The following CRX variants were observed in gnomAD, a reference collection of about 807,000 sequenced individuals.
CRX encodes the protein cone-rod homeobox, also known as cone-rod homeobox protein.
CRX carries 5 observed loss-of-function variants against 13.1 expected under a neutral mutation model. The ratio of observed to expected loss-of-function variants is 0.38; its 90% CI spans 0.20 to 0.80. The LOEUF (loss-of-function observed/expected upper bound fraction) is 0.80, where lower values mean the gene tolerates loss of function less well. CRX is among the 30% of genes least tolerant of loss of function. The pLI is 0.43. For missense variants in CRX, 351 were observed against 391.8 expected, an observed-to-expected ratio of 0.90 and a Z score of 0.88; for synonymous variants, 179 against 171.1, an observed-to-expected ratio of 1.05 and a Z score of -0.36.
chr19:47,829,427 G>A (rs1006741267), intron 1 of CRX, among the ~76,000 whole-genome samples: 2 of 152,156 alleles, frequency 1.3e-5, no homozygotes, highest in African/African-American at 4.8e-5. Flanking sequence ...TGCCTCCCGG[G>A]TTCAAGTGAT....
intron 1 of CRX, among the ~76,000 whole-genome samples, chr19:47,822,506 T>C (rs995505930): frequency 2.0e-5 from 3 of 152,140 alleles, no homozygotes; most frequent in African/African-American, 7.2e-5. Flanking sequence ...ATGTGTTGCA[T>C]AGATGGATGG....
chr19:47,836,184 A>T, intron 2 of CRX, 59 bp from the exon 3 acceptor site: 1 of 1,606,876 alleles, frequency 6.2e-7, no homozygotes, highest in Non-Finnish European at 8.5e-7. Context: ...ACCCAGCCTC[A>T]GGGCCTCACA....
chr19:47,837,025 G>T (rs1045922387), intron 3 of CRX, among the ~76,000 whole-genome samples: 1 of 152,116 alleles, frequency 6.6e-6, no homozygotes, highest in African/African-American at 2.4e-5. Flanking sequence ...TGTGTATGAT[G>T]GGATGGATAC....
In CRX at chr19:47,843,117, G is replaced by A. The variant is rs1381798597; in HGVS notation, c.*3150G>A. 1 of 152,218 alleles carries A rather than the reference G, an allele frequency of 6.6e-6. No homozygotes were observed. Among genetic ancestry groups the A allele is most frequent in the Non-Finnish European group, 1.5e-5 (1 of 68,130 alleles). 9.4% of individuals were successfully genotyped at this position (152,218 alleles called of 1,614,324 possible). A position where few individuals can be genotyped will look rare whatever the true frequency, so the allele number is the denominator to read the frequency against. ...TCCTGGGCTGGGCTCCTGAGTGTTGGTTCTTCCAGCTGTGCACAGGGGATT... is the reference window on the plus strand; with the variant it reads ...TCCTGGGCTGGGCTCCTGAGTGTTGATTCTTCCAGCTGTGCACAGGGGATT... On this transcript the variant is annotated 3_prime_UTR_variant, in exon 4 of 4. Coordinates refer to ENST00000221996, the MANE Select transcript of CRX (RefSeq NM_000554.6).
At position 47,836,402 on chromosome 19, in the gene CRX, G is replaced by C. The variant is rs773348946; in HGVS notation, c.252+8G>C. 6.2e-6 allele frequency: 10 copies of C among 1,614,068 alleles called. No individual in the cohort carries two copies. The Admixed American group carries it at 6.7e-5, about 11-fold the overall frequency. ...CCTGAGTCCAGGGTTCAGGTGGGGTGGTGGGTCCCTGGACCCCTCCCGACA... is the reference window on the plus strand; with the variant it reads ...CCTGAGTCCAGGGTTCAGGTGGGGTCGTGGGTCCCTGGACCCCTCCCGACA... On this transcript the variant is annotated splice_region_variant and intron_variant, in intron 3 of 3. Transcript: ENST00000221996.
intron 2 of CRX, 130 bp downstream of exon 2, chr19:47,834,673 T>C: frequency 1.4e-6 from 1 of 697,022 alleles, no homozygotes; most frequent in Admixed American, 2.4e-5. Context: ...CCCTCTGGGT[T>C]CATCTGAAAT....
chr19:47,823,139 C>T (rs547735316), intron 1 of CRX, among the ~76,000 whole-genome samples: 1 of 152,222 alleles, frequency 6.6e-6, no homozygotes, highest in East Asian at 1.9e-4. Flanking sequence ...TTCCCGTCTG[C>T]CCCTGTCAGG....
In CRX at chr19:47,839,399, A is replaced by T; in HGVS notation, c.332A>T (p.Gln111Leu). ...QKQQQQPPGG[Q>L]AKARPAKRKA... ...CAGCAGCAGCAGCCCCCAGGGGGCC[A>T]GGCCAAGGCCCGGCCTGCCAAGAGG... The change falls in exon 4 of 4, where the codon CAG (glutamine) becomes CTG (leucine). Residue 111 changes from glutamine to leucine, a missense_variant. Physicochemically the swap from Gln to Leu is moderately radical, Grantham distance 113. Around this residue, in one of 3 missense-constraint regions of CRX, gnomAD observed 253 missense variants for 268.3 expected, o/e 0.94. Transcript: ENST00000221996. This position sits in a 1 kb window ranked among gnomAD's most constrained non-coding sequence, Gnocchi z 4.6. 2 of 1,613,732 alleles carry T rather than the reference A, an allele frequency of 1.2e-6. No individual in the cohort carries two copies. Among genetic ancestry groups the T allele is most frequent in the South Asian group, 2.2e-5 (2 of 91,080 alleles).
chr19:47,828,970 C>A (rs1463148512), intron 1 of CRX, among the ~76,000 whole-genome samples: 1 of 149,528 alleles, frequency 6.7e-6, no homozygotes, highest in Admixed American at 6.7e-5. Flanking sequence ...ACTATAGAGA[C>A]AAGATATGGC....
intron 1 of CRX, among the ~76,000 whole-genome samples, chr19:47,831,751 A>G (rs898625865): frequency 4.6e-5 from 7 of 151,546 alleles, no homozygotes; most frequent in Non-Finnish European, 1.5e-5. Context: ...TTTAATTTTT[A>G]TTTTTTTTGA....
rs1423074041 is a variant in CRX, at chr19:47,842,280, G to A, written c.*2313G>A. The A allele has an allele frequency of 6.6e-6, 1 of 152,292 alleles. No individual in the cohort carries two copies. Among genetic ancestry groups the A allele is most frequent in the African/African-American group, 2.4e-5 (1 of 41,442 alleles). The allele number at this position is 152,292 out of a possible 1,614,324, so 9.4% of individuals were successfully genotyped here. On this transcript the variant is annotated 3_prime_UTR_variant, in exon 4 of 4. Transcript: ENST00000221996. ...TAGGCCTGAGTCATGCTGGGTTCTGGGACATTAAGCCCAGGAGTGGGCCGG... is the reference window on the plus strand; with the variant it reads ...TAGGCCTGAGTCATGCTGGGTTCTGAGACATTAAGCCCAGGAGTGGGCCGG...
rs886054560 is a variant in CRX at position 47,842,752 on chromosome 19, C to T, written c.*2785C>T. On this transcript the variant is annotated 3_prime_UTR_variant, in exon 4 of 4. Coordinates refer to ENST00000221996, the MANE Select transcript of CRX (RefSeq NM_000554.6). ...ATATTGTGCCCTGGGTCTGTGCAAA[C>T]GTTGGGACCAGAATCCACTATAAGT... 1.3e-5 allele frequency: 2 copies of T among 152,176 alleles called. No homozygotes were observed. Among genetic ancestry groups the T allele is most frequent in the Non-Finnish European group, 2.9e-5 (2 of 68,050 alleles). 9.4% of individuals were successfully genotyped at this position (152,176 alleles called of 1,614,324 possible).
At chr19:47,823,045 C>T (rs572186216) in intron 1 of CRX, among the ~76,000 whole-genome samples, 1 of 152,246 alleles carries the variant, frequency 6.6e-6, no homozygotes, top group Admixed American at 6.5e-5. Flanking sequence ...ATCAGCCCGC[C>T]TGAGCCTCCC....
At chr19:47,831,728 G>T (rs935925311) in intron 1 of CRX, among the ~76,000 whole-genome samples, 2 of 151,930 alleles carry the variant, frequency 1.3e-5, no homozygotes, top group Admixed American at 1.3e-4. Flanking sequence ...TTATTGCCGA[G>T]CCTAGAACTT....
At chr19:47,832,588 C>T (rs985507996) in intron 1 of CRX, among the ~76,000 whole-genome samples, 8 of 151,758 alleles carry the variant, frequency 5.3e-5, no homozygotes, top group Non-Finnish European at 7.4e-5. Context: ...CAGGTTCAAG[C>T]GATTCTCCTG....
chr19:47,826,205 A>G (rs995587164), intron 1 of CRX, among the ~76,000 whole-genome samples: 54 of 152,178 alleles, frequency 3.5e-4, no homozygotes, highest in African/African-American at 1.0e-3. Flanking sequence ...CTGGGGGAAT[A>G]GGACCTTCAG....
intron 2 of CRX, 109 bp downstream of exon 2, chr19:47,834,652 C>T: frequency 2.5e-6 from 2 of 793,998 alleles, no homozygotes; most frequent in Non-Finnish European, 4.3e-6. Flanking sequence ...GACTTCAGGG[C>T]CATACACCAG....
In CRX at chr19:47,839,509, G is replaced by T; in HGVS notation, c.442G>T (p.Gly148Cys). Residue 148 changes from glycine to cysteine, a missense_variant, in exon 4 of 4, where the codon GGC (glycine) becomes TGC (cysteine). Coordinates refer to ENST00000221996, the MANE Select transcript of CRX (RefSeq NM_000554.6). This position sits in a 1 kb window ranked among gnomAD's most constrained non-coding sequence, Gnocchi z 4.6. ...AGATTCCTACAGTCCCCCTCTGCCC[G>T]GCCCCTCAGGCTCCCCAACCACGGC... ...ISDSYSPPLP[G>C]PSGSPTTAVA... The T allele has an allele frequency of 2.5e-6, 4 of 1,613,626 alleles. 1 individual carries two copies. The South Asian group carries it at 4.4e-5, about 18-fold the overall frequency.
intron 1 of CRX, among the ~76,000 whole-genome samples, chr19:47,833,996 A>G (rs1318112285): frequency 7.9e-6 from 1 of 126,576 alleles, no homozygotes; most frequent in African/African-American, 2.7e-5. Context: ...TTTAAAGAAC[A>G]CTTTTTTTTT....
Sources: allele counts gnomAD v4.1 joint callset (sites outside exome capture counted in the v4.1 genomes callset), GRCh38; gene constraint gnomAD v4.1.1; regional missense constraint gnomAD v4.1.1; non-coding constraint Gnocchi (gnomAD v3.1); transcripts MANE v1.5; gene names NCBI Gene and HGNC (gene_info 2026-07-23, HGNC 2026-07-21).